Variants in MCC observed in about 807,000 individuals in gnomAD.
MCC encodes MCC regulator of Wnt signaling pathway, also known as colorectal mutant cancer protein.
MCC carries 90 observed loss-of-function variants against 116.2 expected under a neutral mutation model. That is an observed-to-expected ratio of 0.77 (90% CI 0.65 to 0.92). The LOEUF is 0.92. MCC is among the 40% of genes least tolerant of loss of function. MCC has a pLI of 0.00. For synonymous variants in MCC, 578 were observed against 510.5 expected (o/e 1.13, Z -1.78); for missense variants, 1,516 against 1,312.2 (o/e 1.16, Z -2.40).
intron 3 of MCC, among the ~76,000 whole-genome samples, chr5:113,168,164 C>A (rs1055445185): frequency 2.0e-5 from 3 of 152,026 alleles, no homozygotes; most frequent in Non-Finnish European, 2.9e-5. Context: ...ATACCTAGTG[C>A]GATACTAAAC....
At chr5:113,203,907 G>A (rs72805238) in intron 3 of MCC, among the ~76,000 whole-genome samples, 19,794 of 152,160 alleles carry the variant, frequency 0.13, 1,452 homozygotes, top group Non-Finnish European at 0.17. Context: ...AAGTCACCAA[G>A]ATTGGTCCTT....
intron 2 of MCC, among the ~76,000 whole-genome samples, chr5:113,342,586 A>C (rs1397173613): frequency 6.6e-6 from 1 of 152,244 alleles, no homozygotes; most frequent in East Asian, 1.9e-4. Flanking sequence ...CCATCTGGAG[A>C]TGAATGGGGA....
At chr5:113,066,464 C>G (rs1753611080) in intron 13 of MCC, among the ~76,000 whole-genome samples, 1 of 152,156 alleles carries the variant, frequency 6.6e-6, no homozygotes, top group African/African-American at 2.4e-5. Context: ...GTTTCTACTT[C>G]TGGGCTGGGC....
chr5:113,107,075 T>G (rs1453477645), intron 6 of MCC, among the ~76,000 whole-genome samples: 1 of 152,206 alleles, frequency 6.6e-6, no homozygotes, highest in Non-Finnish European at 1.5e-5. Flanking sequence ...ATCTTCCTCA[T>G]CATTTGTATC....
At chr5:113,067,702 G>A (rs6879633) in intron 13 of MCC, among the ~76,000 whole-genome samples, 69,498 of 152,178 alleles carry the variant, frequency 0.46, 17,375 homozygotes, top group African/African-American at 0.68. Flanking sequence ...TCAGCCAATG[G>A]AACGAGATGA....
chr5:113,403,924 T>C (rs1769759891), intron 1 of MCC, among the ~76,000 whole-genome samples: 1 of 152,196 alleles, frequency 6.6e-6, no homozygotes, highest in South Asian at 2.1e-4. Flanking sequence ...TGGAGTGCAC[T>C]GGTGTGATCT....
intron 6 of MCC, among the ~76,000 whole-genome samples, chr5:113,109,544 T>C (rs1176269290): frequency 6.6e-6 from 1 of 152,110 alleles, no homozygotes; most frequent in Non-Finnish European, 1.5e-5. Flanking sequence ...TATGTTGGCA[T>C]GAAAATGTCC....
intron 3 of MCC, among the ~76,000 whole-genome samples, chr5:113,286,791 T>C (rs527594548): frequency 5.3e-5 from 8 of 152,350 alleles, no homozygotes; most frequent in African/African-American, 1.9e-4. Flanking sequence ...TTAAGAAATA[T>C]CTTGAAAGAT....
intron 18 of MCC, among the ~76,000 whole-genome samples, chr5:113,028,571 T>A (rs376730806): frequency 1.3e-5 from 2 of 152,230 alleles, no homozygotes. Flanking sequence ...GGATATTGTG[T>A]TGCTCAAATA....
At chr5:113,399,389 G>A (rs1451789841) in intron 1 of MCC, among the ~76,000 whole-genome samples, 1 of 152,168 alleles carries the variant, frequency 6.6e-6, no homozygotes, top group African/African-American at 2.4e-5. Context: ...GGAGGCTGAG[G>A]CAGAAGAATG....
rs573654696 is a variant in MCC, at chr5:113,299,220, G to A, written c.627+41299C>T. Among the ~76,000 whole-genome samples the A allele has an allele frequency of 1.2e-4, 18 of 145,898 alleles. No homozygotes were observed. In the East Asian group the frequency reaches 3.3e-3, roughly 27 times the overall value. On this transcript the variant is annotated intron_variant, in intron 3 of 18. Coordinates refer to ENST00000408903, the MANE Select transcript of MCC (RefSeq NM_001085377.2). ...GGAGAATCGCTTGAACCTGGGAGGCGGAGGTTGCAGTGAACCGAGCCGAGA... is the reference window on the plus strand; with the variant it reads ...GGAGAATCGCTTGAACCTGGGAGGCAGAGGTTGCAGTGAACCGAGCCGAGA...
chr5:113,093,738 A>C (rs1443376234), intron 8 of MCC, among the ~76,000 whole-genome samples: 1 of 152,070 alleles, frequency 6.6e-6, no homozygotes, highest in Non-Finnish European at 1.5e-5. Flanking sequence ...GAGTCAGCTG[A>C]TGAAGTCATC....
At chr5:113,357,707 G>C (rs1768447981) in intron 2 of MCC, among the ~76,000 whole-genome samples, 1 of 152,138 alleles carries the variant, frequency 6.6e-6, no homozygotes, top group African/African-American at 2.4e-5. Flanking sequence ...GAACACTACT[G>C]GTAACGGAAG....
chr5:113,281,444 T>G (rs1013838480), intron 3 of MCC, among the ~76,000 whole-genome samples: 1 of 152,210 alleles, frequency 6.6e-6, no homozygotes, highest in Non-Finnish European at 1.5e-5. Context: ...TTCTCTGCAG[T>G]GCATCCTTAT....
At chr5:113,136,737 TTTG>T (rs1190512827) in intron 5 of MCC, among the ~76,000 whole-genome samples, 1 of 152,182 alleles carries the variant, frequency 6.6e-6, no homozygotes, top group African/African-American at 2.4e-5. Context: ...CTAGAAGTTT[TTTG>T]TTGGAGTATT....
At chr5:113,297,427 G>T (rs187023194) in intron 3 of MCC, among the ~76,000 whole-genome samples, 11 of 151,916 alleles carry the variant, frequency 7.2e-5, no homozygotes, top group Admixed American at 6.6e-4. Flanking sequence ...TTAGCTGGGC[G>T]TGGTGGCAGG....
chr5:113,414,389 TTGTGTGAGAGTC>T (rs1770084044), intron 1 of MCC, among the ~76,000 whole-genome samples: 1 of 152,200 alleles, frequency 6.6e-6, no homozygotes, highest in Admixed American at 6.5e-5. Context: ...CCCATTATTA[TTGTGTGAGAGTC>T]TAAGTCTCTT....
intron 3 of MCC, among the ~76,000 whole-genome samples, chr5:113,176,338 CCT>C (rs1377013352): frequency 2.4e-4 from 36 of 152,214 alleles, no homozygotes; most frequent in African/African-American, 8.2e-4. Flanking sequence ...CTGTGTGCAC[CCT>C]GAGTACAACA....
At chr5:113,463,291 T>C (rs758345795) in intron 1 of MCC, among the ~76,000 whole-genome samples, 2 of 152,172 alleles carry the variant, frequency 1.3e-5, no homozygotes, top group Admixed American at 1.3e-4. Flanking sequence ...GTGAGCAGAT[T>C]AGCACTTCAA....
Sources: gnomAD v4.1 joint callset for allele counts (sites outside exome capture counted in the v4.1 genomes callset) on GRCh38, gnomAD v4.1.1 for gene constraint, MANE v1.5 for transcripts, NCBI Gene and HGNC (gene_info 2026-07-23, HGNC 2026-07-21) for gene names.